The following OSBPL7 variants were observed in gnomAD, a reference collection of about 807,000 sequenced individuals.
OSBPL7 encodes oxysterol binding protein like 7, also known as oxysterol-binding protein-related protein 7.
In OSBPL7, 66 loss-of-function variants were observed where a neutral mutation model predicts 115.8. The ratio of observed to expected loss-of-function variants is 0.57; its 90% CI spans 0.47 to 0.70. OSBPL7 has a LOEUF of 0.70. Ranked by LOEUF, OSBPL7 falls within the 30% of genes least tolerant of loss-of-function variation. The pLI, the probability that OSBPL7 is intolerant of heterozygous loss-of-function variation, is 0.00. For missense variants in OSBPL7, 902 were observed against 1,125.5 expected (o/e 0.80, Z 2.84); for synonymous variants, 441 against 439.2 (o/e 1.00, Z -0.05).
Position 47,819,730 on chromosome 17 carries a change from T to A in OSBPL7, c.254A>T (p.Asp85Val). 1 of 1,614,016 alleles carries A rather than the reference T, an allele frequency of 6.2e-7. No homozygotes were observed. The highest frequency in any genetic ancestry group is 8.5e-7 in the Non-Finnish European group (1 of 1,179,974). Residue 85 changes from aspartate (D) to valine (V), a missense_variant and splice_region_variant, in exon 4 of 23, where the codon GAC (aspartate) becomes GTC (valine). Asp to Val is a radical substitution (Grantham distance 152, BLOSUM62 -3). This residue lies in a region of OSBPL7 where 667 missense variants were observed against 788.7 expected (regional missense o/e 0.85). Transcript: ENST00000007414. ...CCCCAAGCCACTGCCCGGGCTCACG[T>A]CTTGCCGGGTTGTTGCATAATGAAG... The part of the protein sequence containing the change: ...GILHYATTRQ[D>V]ITKGKLHGSI...
intron 14 of OSBPL7, 34 bp downstream of exon 14, chr17:47,814,483 GCCTC>G: frequency 2.4e-6 from 1 of 418,562 alleles, no homozygotes; most frequent in Non-Finnish European, 4.6e-6. Context: ...TTTTCCACCC[GCCTC>G]CCACCCCTCC....
chr17:47,809,094 G>A lies in OSBPL7; in HGVS notation c.2152C>T (p.Gln718Ter), dbSNP rs2032949424. 6.2e-7 allele frequency: 1 copy of A among 1,613,954 alleles called. No individual in the cohort carries two copies. Among genetic ancestry groups the A allele is most frequent in the African/African-American group, 1.3e-5 (1 of 74,932 alleles). Residue 718 changes from glutamine to a stop codon, truncating the protein, a stop_gained, in exon 20 of 23, where the codon CAG becomes TAG. Coordinates refer to ENST00000007414, the MANE Select transcript of OSBPL7 (RefSeq NM_145798.3). LOFTEE classifies it high-confidence loss of function. ...GLYRGPTPGG[Q>*]CIWKPNSMPP... Reference sequence around the variant, plus strand: ...CACTTACTGGGTTTCCAGATGCACTGGCCACCTGGCGTGGGTCCCCGGTAC... The same window carrying A: ...CACTTACTGGGTTTCCAGATGCACTAGCCACCTGGCGTGGGTCCCCGGTAC...
intron 14 of OSBPL7, 107 bp from the exon 15 acceptor site, chr17:47,813,941 A>G: frequency 1.4e-6 from 2 of 1,393,838 alleles, no homozygotes; most frequent in Non-Finnish European, 1.9e-6. Context: ...CCCCTGGGAC[A>G]TTCGCCCCTG....
At chr17:47,817,994 C>T (rs2033278244) in intron 7 of OSBPL7, among the ~76,000 whole-genome samples, 1 of 152,206 alleles carries the variant, frequency 6.6e-6, no homozygotes, top group African/African-American at 2.4e-5. Context: ...TGGCGCTACT[C>T]CTCAGGCCCC....
chr17:47,813,936 G>C, intron 14 of OSBPL7, 102 bp from the exon 15 acceptor site: 1 of 1,425,180 alleles, frequency 7.0e-7, no homozygotes, highest in Admixed American at 2.4e-5. Context: ...CCAAGCCCCT[G>C]GGACATTCGC....
rs200744830 is a variant in OSBPL7 at position 47,817,307 on chromosome 17, G to A, written c.651C>T (p.Ser217=). The A allele has an allele frequency of 1.2e-5, 19 of 1,603,514 alleles. No individual in the cohort carries two copies. In the East Asian group the frequency reaches 4.0e-4, roughly 34 times the overall value. Residue 217 remains serine (S), a synonymous_variant, in exon 8 of 23, where the codon AGC becomes AGT. Coordinates refer to ENST00000007414, the MANE Select transcript of OSBPL7 (RefSeq NM_145798.3). ...AGGGGATTCGGTGCAGGGACTCCAG[G>A]CTCTGGAGGAGCCTGTGTAGTTCCT... ...KLQELHRLLQ[S]LESLHRIPSA...
chr17:47,808,380 C>T lies in OSBPL7; in HGVS notation c.2440G>A (p.Gly814Arg), dbSNP rs186946332. 1.1e-5 allele frequency: 17 copies of T among 1,614,178 alleles called. No homozygotes were observed. Among genetic ancestry groups the T allele is most frequent in the Admixed American group, 5.0e-5 (3 of 60,032 alleles). The change falls in exon 23 of 23, where the codon GGG becomes AGG. Residue 814 changes from glycine to arginine, a missense_variant. Transcript: ENST00000007414. The surrounding 1 kb of genome is among the most constrained non-coding windows in gnomAD (Gnocchi z 6.1). ...TTGTTGGTCACCCACCACTCTTTCC[C>T]GCTGCTATCCGTCTGCCGCCTGGTG... is the stretch of plus-strand genomic sequence containing the variant. ...RFFRRQTDSS[G>R]KEWWVTNNTY...
At chr17:47,819,664 A>T (rs751165000) in intron 4 of OSBPL7, 65 bp downstream of exon 4, 321 of 1,591,320 alleles carry the variant, frequency 2.0e-4, no homozygotes, top group Middle Eastern at 6.7e-4. Context: ...CAGATACCCC[A>T]TGCCTGCCCA....
intron 5 of OSBPL7, 69 bp downstream of exon 5, chr17:47,818,917 G>T: frequency 7.5e-7 from 1 of 1,339,222 alleles, no homozygotes; most frequent in Non-Finnish European, 1.1e-6. Context: ...CTCAGCCCCT[G>T]CCCCTGTGTG....
chr17:47,816,789 G>A lies in OSBPL7; in HGVS notation c.786C>T (p.Thr262=). 6.2e-7 allele frequency: 1 copy of A among 1,614,136 alleles called. No homozygotes were observed. Among genetic ancestry groups the A allele is most frequent in the East Asian group, 2.2e-5 (1 of 44,876 alleles). The change falls in exon 9 of 23, where the codon ACC becomes ACT. Residue 262 remains threonine (T), a synonymous_variant. Coordinates refer to ENST00000007414, the MANE Select transcript of OSBPL7 (RefSeq NM_145798.3). This position sits in a 1 kb window ranked among gnomAD's most constrained non-coding sequence, Gnocchi z 5.8. ...WCTQSFAKDD[T]IGRVGRLHGS... is the part of the protein sequence containing the mutation. ...GCATGCCCGACCTCACCCGTCCAATGGTGTCATCCTTGGCAAAGCTCTGGG... is the reference window on the plus strand; with the variant it reads ...GCATGCCCGACCTCACCCGTCCAATAGTGTCATCCTTGGCAAAGCTCTGGG...
At position 47,819,014 on chromosome 17, in the gene OSBPL7, T is replaced by TC; in HGVS notation, c.340dup (p.Asp114GlyfsTer3). On this transcript the variant is annotated frameshift_variant, in exon 5 of 23. Coordinates refer to ENST00000007414, the MANE Select transcript of OSBPL7 (RefSeq NM_145798.3). LOFTEE classifies it high-confidence loss of function. Reference sequence around the variant, plus strand: ...GAGGTGGTAGATGTTGTCTTCAGTGTCAAGGTCAATGCGCTGGGCCTTTTT... The same window carrying TC: ...GAGGTGGTAGATGTTGTCTTCAGTGTCCAAGGTCAATGCGCTGGGCCTTTTT... The TC allele has an allele frequency of 6.2e-7, 1 of 1,614,154 alleles. No individual in the cohort carries two copies. Among genetic ancestry groups the TC allele is most frequent in the Non-Finnish European group, 8.5e-7 (1 of 1,180,000 alleles).
rs549543909 is a variant in OSBPL7 at position 47,819,256 on chromosome 17, C to A, written c.256-157G>T. On this transcript the variant is annotated intron_variant, in intron 4 of 22. Coordinates refer to ENST00000007414, the MANE Select transcript of OSBPL7 (RefSeq NM_145798.3). ...CTATCAGTAGAGACTTGTCAATCAT[C>A]CTCCCATGTGCAGAACGCTCCCCTA... The A allele has an allele frequency of 6.4e-6, 4 of 628,756 alleles. No individual in the cohort carries two copies. In the African/African-American group the frequency reaches 7.3e-5, roughly 12 times the overall value. 38.9% of individuals were successfully genotyped at this position (628,756 alleles called of 1,614,324 possible). A position where few individuals can be genotyped will look rare whatever the true frequency, so the allele number is the denominator to read the frequency against.
intron 1 of OSBPL7, 163 bp from the exon 2 acceptor site, chr17:47,820,528 A>C: frequency 2.0e-6 from 1 of 499,510 alleles, no homozygotes; most frequent in Non-Finnish European, 3.6e-6. Flanking sequence ...ACCCATTTTC[A>C]CCTGATATGG....
intron 2 of OSBPL7, 22 bp from the exon 3 acceptor site, chr17:47,820,118 G>A (rs888897792): frequency 6.2e-7 from 1 of 1,613,128 alleles, no homozygotes; most frequent in African/African-American, 1.3e-5. Context: ...GACAGAGGGA[G>A]GGGAGCACTG....
chr17:47,820,168 C>T (rs984283331), intron 2 of OSBPL7, 36 bp downstream of exon 2: 13 of 1,613,664 alleles, frequency 8.1e-6, no homozygotes, highest in Non-Finnish European at 1.1e-5. Flanking sequence ...CTGGTTCCAG[C>T]TTGGCCCACC....
chr17:47,813,333 T>C lies in OSBPL7; in HGVS notation c.1670A>G (p.Asn557Ser), dbSNP rs752937955. The C allele has an allele frequency of 3.7e-6, 6 of 1,613,926 alleles. No homozygotes were observed. Among genetic ancestry groups the C allele is most frequent in the Non-Finnish European group, 5.1e-6 (6 of 1,179,972 alleles). Residue 557 changes from asparagine to serine, a missense_variant, in exon 16 of 23, where the codon AAC becomes AGC. By Grantham distance (46) the Asn-to-Ser change is conservative (BLOSUM62 1). This residue lies in a region of OSBPL7 where 667 missense variants were observed against 788.7 expected (regional missense o/e 0.85). Transcript: ENST00000007414. ...TYHRAGCKPF[N>S]PVLGETYECE... The stretch of plus-strand genomic sequence containing the variant: ...CTCGTAGGTCTCCCCCAGGACAGGG[T>C]TGAAGGGCTTGCAGCCGGCTCGGTG...
chr17:47,814,119 C>T (rs1359675139), intron 14 of OSBPL7, among the ~76,000 whole-genome samples: 1 of 152,206 alleles, frequency 6.6e-6, no homozygotes. Context: ...CTCACCCTTG[C>T]CTTTTGTTCC....
chr17:47,819,116 G>A lies in OSBPL7; in HGVS notation c.256-17C>T. 1 of 1,604,110 alleles carries A rather than the reference G, an allele frequency of 6.2e-7. No homozygotes were observed. ...CTTGGTGATCTGGGGGTGAAGTGTT[G>A]GTAGAGGGAGAGGGGACCTGTTTTA... On this transcript the variant is annotated splice_polypyrimidine_tract_variant and intron_variant, in intron 4 of 22. Coordinates refer to ENST00000007414, the MANE Select transcript of OSBPL7 (RefSeq NM_145798.3).
chr17:47,813,178 G>T, intron 16 of OSBPL7, 88 bp downstream of exon 16: 1 of 1,546,860 alleles, frequency 6.5e-7, no homozygotes, highest in Non-Finnish European at 8.8e-7. Flanking sequence ...CCCAGGCCCT[G>T]GTCCCTCTGC....
Sources: allele counts gnomAD v4.1 joint callset (sites outside exome capture counted in the v4.1 genomes callset), GRCh38; gene constraint gnomAD v4.1.1; regional missense constraint gnomAD v4.1.1; non-coding constraint Gnocchi (gnomAD v3.1); transcripts MANE v1.5; gene names NCBI Gene and HGNC (gene_info 2026-07-23, HGNC 2026-07-21).